The following SHANK2 variants were observed in gnomAD, a reference collection of about 807,000 sequenced individuals.
SHANK2 encodes SH3 and multiple ankyrin repeat domains 2, also known as SH3 and multiple ankyrin repeat domains protein 2.
SHANK2 carries 43 observed loss-of-function variants against 133.7 expected under a neutral mutation model. The ratio of observed to expected loss-of-function variants is 0.32; its 90% confidence interval spans 0.25 to 0.41. SHANK2 has a LOEUF of 0.41. Ranked by LOEUF, SHANK2 falls within the 10% of genes least tolerant of loss-of-function variation. The pLI is 1.00. For synonymous variants in SHANK2, 1,017 were observed against 952.8 expected (o/e 1.07, Z -1.24); for missense variants, 1,994 against 2,235.8 (o/e 0.89, Z 2.18).
Position 70,478,603 on chromosome 11 carries a change from C to T in SHANK2, c.4980-5164G>A, listed in dbSNP as rs139650126. 9.2e-5 allele frequency among the ~76,000 whole-genome samples: 14 copies of T among 152,282 alleles called. No individual in the cohort carries two copies. The East Asian group carries it at 2.7e-3, about 29-fold the overall frequency. ...GCAGCAAGTCCTTACCTAGCTTCCC[C>T]GAGGCCTGGATGTGGGGACTGGAGC... is the stretch of plus-strand genomic sequence containing the variant. On this transcript the variant is annotated intron_variant, in intron 25 of 25. Transcript: ENST00000601538.
chr11:71,163,859 ATATC>A lies in SHANK2; in HGVS notation c.-12-16525_-12-16522del, dbSNP rs1404194908. On this transcript the variant is annotated intron_variant, in intron 2 of 25. Transcript: ENST00000601538. ...AGGAAGACAGAAGGAAGAATGCAAA[ATATC>A]TATACATGCGTGCTTTTTATTGTGC... Among the ~76,000 whole-genome samples the A allele has an allele frequency of 5.9e-5, 9 of 152,304 alleles. No homozygotes were observed. In the South Asian group the frequency reaches 1.9e-3, roughly 32 times the overall value.
At chr11:70,566,153 G>C (rs1220150384) in intron 17 of SHANK2, among the ~76,000 whole-genome samples, 2 of 152,048 alleles carry the variant, frequency 1.3e-5, no homozygotes, top group African/African-American at 2.4e-5. Flanking sequence ...AGAACAGTAT[G>C]GGGGAGAATG....
At chr11:70,607,383 C>G (rs1225764664) in intron 17 of SHANK2, among the ~76,000 whole-genome samples, 1 of 152,166 alleles carries the variant, frequency 6.6e-6, no homozygotes, top group Non-Finnish European at 1.5e-5. Flanking sequence ...GTGCCTGCCC[C>G]ACACCCAGCT....
At chr11:70,819,919 G>A (rs1281207307) in intron 12 of SHANK2, among the ~76,000 whole-genome samples, 1 of 152,166 alleles carries the variant, frequency 6.6e-6, no homozygotes, top group Admixed American at 6.5e-5. Context: ...ACCCACGTGT[G>A]CACCCTCAAT....
intron 2 of SHANK2, among the ~76,000 whole-genome samples, chr11:71,204,129 G>T (rs1039261392): frequency 8.0e-4 from 122 of 152,314 alleles, no homozygotes; most frequent in African/African-American, 2.9e-3. Flanking sequence ...CCTGAACACA[G>T]CTGTCCTGTT....
chr11:70,489,162 T>C (rs1195287243), intron 24 of SHANK2, 166 bp downstream of exon 24: 1 of 690,360 alleles, frequency 1.4e-6, no homozygotes, highest in African/African-American at 1.8e-5. Flanking sequence ...GGAGGACATT[T>C]TGGCATTGCA....
chr11:70,708,321 T>C (rs569723945), intron 14 of SHANK2, among the ~76,000 whole-genome samples: 4 of 152,000 alleles, frequency 2.6e-5, no homozygotes, highest in Admixed American at 2.6e-4. Context: ...TTTCTCCTGA[T>C]GGACGGCCCT....
In SHANK2 at chr11:71,177,408, T is replaced by C. The variant is rs1333640640; in HGVS notation, c.-12-30070A>G. 5.3e-5 allele frequency among the ~76,000 whole-genome samples: 8 copies of C among 152,280 alleles called. No homozygotes were observed. The East Asian group carries it at 7.7e-4, about 15-fold the overall frequency. The stretch of plus-strand genomic sequence containing the variant: ...AGGTTGGAGTGGGAAAATGGAAGCA[T>C]ATTATTGTAAAGTTCTTATGCTTAC... On this transcript the variant is annotated intron_variant, in intron 2 of 25. Transcript: ENST00000601538.
At chr11:71,121,895 A>C (rs1419627807) in intron 3 of SHANK2, among the ~76,000 whole-genome samples, 1 of 152,262 alleles carries the variant, frequency 6.6e-6, no homozygotes, top group African/African-American at 2.4e-5. Flanking sequence ...ACATGAAAAA[A>C]TGCTCATCAT....
chr11:71,076,668 C>T (rs1335792934), intron 8 of SHANK2, among the ~76,000 whole-genome samples: 1 of 152,218 alleles, frequency 6.6e-6, no homozygotes, highest in Admixed American at 6.5e-5. Flanking sequence ...CCCATGGCCC[C>T]TTCTTCTGGG....
chr11:70,555,559 T>C (rs782195760), intron 17 of SHANK2, among the ~76,000 whole-genome samples: 2 of 152,120 alleles, frequency 1.3e-5, no homozygotes, highest in East Asian at 1.9e-4. Context: ...CCCATCTATA[T>C]GAAAAATAAC....
chr11:70,605,680 A>ATC (rs1554992155), intron 17 of SHANK2, among the ~76,000 whole-genome samples: 5 of 152,208 alleles, frequency 3.3e-5, no homozygotes, highest in Non-Finnish European at 7.3e-5. Context: ...GGGACGAGGA[A>ATC]CGCAGAGCTC....
intron 14 of SHANK2, among the ~76,000 whole-genome samples, chr11:70,769,767 ATGTGCAGGCATGTGTGTCTG>A (rs1311390857): frequency 1.3e-5 from 2 of 152,172 alleles, no homozygotes; most frequent in Admixed American, 6.5e-5. Flanking sequence ...CTATGTGGGC[ATGTGCAGGCATGTGTGTCTG>A]TGTGCAGGCA....
chr11:70,586,418 G>T (rs1399939005), intron 17 of SHANK2, among the ~76,000 whole-genome samples: 7 of 152,152 alleles, frequency 4.6e-5, no homozygotes, highest in Non-Finnish European at 1.5e-5. Flanking sequence ...TCTGGGGCCG[G>T]GGTCACCTAT....
chr11:71,078,637 G>T (rs1362871103), intron 8 of SHANK2, among the ~76,000 whole-genome samples: 1 of 152,188 alleles, frequency 6.6e-6, no homozygotes, highest in Non-Finnish European at 1.5e-5. Context: ...CGGGGCAGAA[G>T]CAGCTTTCCA....
intron 10 of SHANK2, among the ~76,000 whole-genome samples, chr11:70,898,195 C>T (rs1427461356): frequency 6.7e-6 from 1 of 150,102 alleles, no homozygotes; most frequent in Non-Finnish European, 1.5e-5. Context: ...TGGTCTCAAA[C>T]TCTTGGCCTC....
chr11:70,642,691 G>T (rs2061200700), intron 17 of SHANK2, among the ~76,000 whole-genome samples: 1 of 152,192 alleles, frequency 6.6e-6, no homozygotes, highest in South Asian at 2.1e-4. Context: ...ACAGGACACT[G>T]ATTTCCTGGA....
intron 17 of SHANK2, among the ~76,000 whole-genome samples, chr11:70,517,093 C>T (rs1278674073): frequency 6.6e-6 from 1 of 152,100 alleles, no homozygotes; most frequent in East Asian, 1.9e-4. Context: ...ATAGACAACT[C>T]ACCAAAGAAG....
chr11:70,689,631 G>T (rs1021402775), intron 15 of SHANK2, among the ~76,000 whole-genome samples: 6 of 152,150 alleles, frequency 3.9e-5, no homozygotes, highest in Non-Finnish European at 2.9e-5. Flanking sequence ...ACCTGCCAGG[G>T]ATAAACAGGA....
Sources: allele counts gnomAD v4.1 joint callset (sites outside exome capture counted in the v4.1 genomes callset), GRCh38; gene constraint gnomAD v4.1.1; transcripts MANE v1.5; gene names NCBI Gene and HGNC (gene_info 2026-07-23, HGNC 2026-07-21).